The following SMC5 variants were observed in gnomAD, a reference collection of about 807,000 sequenced individuals.
SMC5 encodes the protein structural maintenance of chromosomes protein 5.
SMC5 carries 88 observed loss-of-function variants against 148.3 expected under a neutral mutation model. The ratio of observed to expected loss-of-function variants is 0.59; its 90% CI spans 0.50 to 0.71. The LOEUF (loss-of-function observed/expected upper bound fraction) is 0.71, where lower values mean the gene tolerates loss of function less well. Ranked by LOEUF, SMC5 falls within the 30% of genes least tolerant of loss-of-function variation. The pLI is 0.00. For missense variants in SMC5, 1,142 were observed against 1,298.9 expected, an observed-to-expected ratio of 0.88 and a Z score of 1.86; for synonymous variants, 421 against 432.8, an observed-to-expected ratio of 0.97 and a Z score of 0.34.
intron 15 of SMC5, among the ~76,000 whole-genome samples, chr9:70,322,985 C>T (rs576723018): frequency 2.0e-5 from 3 of 152,150 alleles, no homozygotes; most frequent in African/African-American, 4.8e-5. Flanking sequence ...CCAACATACT[C>T]GTCCTTGTAC....
intron 6 of SMC5, among the ~76,000 whole-genome samples, chr9:70,281,504 CTCAG>C (rs1373772605): frequency 6.6e-6 from 1 of 152,088 alleles, no homozygotes; most frequent in Non-Finnish European, 1.5e-5. Context: ...TTTGGGTGTC[CTCAG>C]TCAGGTCACT....
chr9:70,273,611 A>G (rs954520152), intron 3 of SMC5, among the ~76,000 whole-genome samples: 1 of 152,076 alleles, frequency 6.6e-6, no homozygotes, highest in Non-Finnish European at 1.5e-5. Context: ...AAAATGTCCC[A>G]CTTACTACTT....
At chr9:70,324,451 A>AGTGG (rs1279554956) in intron 17 of SMC5, among the ~76,000 whole-genome samples, 3 of 152,212 alleles carry the variant, frequency 2.0e-5, no homozygotes, top group African/African-American at 7.2e-5. Flanking sequence ...ATAAGATGGT[A>AGTGG]GTGGCAGTGG....
At chr9:70,343,664 A>C (rs1424343564) in intron 17 of SMC5, among the ~76,000 whole-genome samples, 1 of 152,000 alleles carries the variant, frequency 6.6e-6, no homozygotes, top group East Asian at 1.9e-4. Context: ...AAAAACACAA[A>C]AATTAGCCAG....
chr9:70,282,483 A>G lies in SMC5; in HGVS notation c.881A>G (p.Glu294Gly). 3 of 1,608,188 alleles carry G rather than the reference A, an allele frequency of 1.9e-6. No homozygotes were observed. Among genetic ancestry groups the G allele is most frequent in the Non-Finnish European group, 2.5e-6 (3 of 1,178,234 alleles). Residue 294 changes from glutamate to glycine, a missense_variant, in exon 7 of 25, where the codon GAA becomes GGA. Physicochemically the swap from Glu to Gly is moderately conservative, Grantham distance 98. This residue lies in a region of SMC5 where 743 missense variants were observed against 835.7 expected (regional missense o/e 0.89). Transcript: ENST00000361138. ...EVKLVRDRVK[E>G]EVRKLKEGQI... The stretch of plus-strand genomic sequence containing the variant: ...AAACTAGTTCGTGACCGAGTGAAGG[A>G]AGAGGTCAGAAAACTTAAAGAAGGG...
At chr9:70,261,485 G>T (rs946220313) in intron 1 of SMC5, among the ~76,000 whole-genome samples, 2 of 152,206 alleles carry the variant, frequency 1.3e-5, no homozygotes, top group Non-Finnish European at 2.9e-5. Flanking sequence ...AATTGATCAG[G>T]TGCTATTCAG....
intron 5 of SMC5, among the ~76,000 whole-genome samples, chr9:70,279,538 T>C (rs748407523): frequency 6.6e-6 from 1 of 151,920 alleles, no homozygotes; most frequent in Non-Finnish European, 1.5e-5. Context: ...GAAATCTGGC[T>C]GGGTGTGGTG....
rs186702203 is a variant in SMC5 at position 70,304,752 on chromosome 9, G to T, written c.1465-495G>T. 4.6e-5 allele frequency among the ~76,000 whole-genome samples: 7 copies of T among 151,738 alleles called. No homozygotes were observed. In the East Asian group the frequency reaches 1.4e-3, roughly 29 times the overall value. On this transcript the variant is annotated intron_variant, in intron 10 of 24. Transcript: ENST00000361138. ...TATGTTCTGATGTTGCAAACTTCAG[G>T]CTTCTCTTGAGGGCTGTAATAGTTA...
chr9:70,275,717 G>A (rs562974756), intron 3 of SMC5, among the ~76,000 whole-genome samples: 1 of 151,728 alleles, frequency 6.6e-6, no homozygotes, highest in East Asian at 1.9e-4. Flanking sequence ...CTTTTTTTAA[G>A]TATGTTAGTT....
chr9:70,302,517 A>ATG (rs1448424307), intron 10 of SMC5, among the ~76,000 whole-genome samples: 15 of 151,364 alleles, frequency 9.9e-5, no homozygotes, highest in Non-Finnish European at 2.1e-4. Flanking sequence ...ATATATATAT[A>ATG]TAAATTAGCT....
chr9:70,316,731 G>T (rs1195864346), intron 13 of SMC5, among the ~76,000 whole-genome samples: 2 of 152,014 alleles, frequency 1.3e-5, no homozygotes, highest in African/African-American at 4.8e-5. Context: ...GGGCAGAAAG[G>T]AGCAATTACT....
At chr9:70,296,318 A>G (rs7019180) in intron 8 of SMC5, among the ~76,000 whole-genome samples, 74,751 of 151,956 alleles carry the variant, frequency 0.49, 21,038 homozygotes, top group Non-Finnish European at 0.62. Context: ...TTAAAACGTA[A>G]AAGTTTACCG....
intron 17 of SMC5, among the ~76,000 whole-genome samples, chr9:70,339,445 A>G (rs1247983622): frequency 6.6e-6 from 1 of 150,970 alleles, no homozygotes; most frequent in Non-Finnish European, 1.5e-5. Context: ...AAAAAAAAAG[A>G]GTCAAGAATG....
intron 13 of SMC5, among the ~76,000 whole-genome samples, chr9:70,316,333 A>G (rs886194451): frequency 4.6e-5 from 7 of 152,068 alleles, no homozygotes; most frequent in Non-Finnish European, 8.8e-5. Context: ...TATGTTTTAC[A>G]TTTCTAACCA....
chr9:70,317,966 C>CTCTTCTCTCCCGG (rs59590622), intron 13 of SMC5, among the ~76,000 whole-genome samples: 1 of 152,018 alleles, frequency 6.6e-6, no homozygotes, highest in Admixed American at 6.6e-5. Flanking sequence ...TTCTCTCCTG[C>CTCTTCTCTCCCGG]TATCTCTTCT....
intron 17 of SMC5, among the ~76,000 whole-genome samples, chr9:70,327,510 A>G (rs1433778535): frequency 6.6e-6 from 1 of 152,240 alleles, no homozygotes; most frequent in African/African-American, 2.4e-5. Context: ...GCACAAGTTT[A>G]TAATGATGCT....
intron 1 of SMC5, among the ~76,000 whole-genome samples, chr9:70,264,029 A>G (rs1388977257): frequency 6.6e-6 from 1 of 152,216 alleles, no homozygotes; most frequent in Non-Finnish European, 1.5e-5. Context: ...AGTGTTTTGT[A>G]ATTATTAAAA....
chr9:70,284,668 G>A (rs764418251), intron 7 of SMC5, among the ~76,000 whole-genome samples: 5 of 152,098 alleles, frequency 3.3e-5, no homozygotes, highest in Non-Finnish European at 5.9e-5. Context: ...ACATCCATGA[G>A]CCTAATTTAT....
chr9:70,282,380 TA>T, intron 6 of SMC5, 41 bp from the exon 7 acceptor site: 1 of 1,548,968 alleles, frequency 6.5e-7, no homozygotes, highest in Non-Finnish European at 8.7e-7. Context: ...TGTGTTAGTT[TA>T]AGGTAGGGCA....
Sources: allele counts gnomAD v4.1 joint callset (sites outside exome capture counted in the v4.1 genomes callset), GRCh38; gene constraint gnomAD v4.1.1; regional missense constraint gnomAD v4.1.1; transcripts MANE v1.5; gene names NCBI Gene and HGNC (gene_info 2026-07-23, HGNC 2026-07-21).